Variants in OLFM3 observed in about 807,000 individuals in gnomAD.
The protein encoded by OLFM3 is noelin-3.
In OLFM3, 20 loss-of-function variants were observed where a neutral mutation model predicts 48.6. The observed-to-expected ratio is 0.41, with a 90% confidence interval of 0.29 to 0.60. The LOEUF (loss-of-function observed/expected upper bound fraction) is 0.60. Among genes scored for constraint, OLFM3 ranks in the 20% least tolerant of loss-of-function variants. The pLI, the probability that OLFM3 is intolerant of heterozygous loss-of-function variation, is 0.28. For missense variants in OLFM3, 437 were observed against 544.3 expected (o/e 0.80, Z 1.96); for synonymous variants, 222 against 198.1 (o/e 1.12, Z -1.01).
rs375444190 is a variant in OLFM3 at position 101,843,153 on chromosome 1, C to T, written c.70-6128G>A. 8.1e-4 allele frequency among the ~76,000 whole-genome samples: 124 copies of T among 152,256 alleles called. 2 individuals are homozygous for T. The South Asian group carries it at 0.025, about 31-fold the overall frequency. On this transcript the variant is annotated intron_variant, in intron 1 of 5. Coordinates refer to ENST00000370103, the MANE Select transcript of OLFM3 (RefSeq NM_058170.4). ...AGGGGATTCTACTCATTTTATAGAA[C>T]TTTAAATTGACTAACTCATCAAAGT...
chr1:101,984,312 A>C (rs1055421421), intron 1 of OLFM3, among the ~76,000 whole-genome samples: 4 of 152,020 alleles, frequency 2.6e-5, no homozygotes, highest in African/African-American at 9.7e-5. Flanking sequence ...ATTTTTACCT[A>C]ACAACAAAAT....
chr1:101,810,839 C>T (rs1447716567), intron 4 of OLFM3, among the ~76,000 whole-genome samples: 1 of 151,510 alleles, frequency 6.6e-6, no homozygotes, highest in Non-Finnish European at 1.5e-5. Context: ...ATATTTATCA[C>T]TTAATATATA....
chr1:101,936,722 A>G (rs907768315), intron 1 of OLFM3, among the ~76,000 whole-genome samples: 1 of 152,202 alleles, frequency 6.6e-6, no homozygotes, highest in African/African-American at 2.4e-5. Context: ...GCAATGCTAG[A>G]GTAATCAAAA....
Position 101,841,751 on chromosome 1 carries a change from C to G in OLFM3, c.70-4726G>C, listed in dbSNP as rs1358174648. On this transcript the variant is annotated intron_variant, in intron 1 of 5. Transcript: ENST00000370103. ...AAGAAAATCAACTGATCGAATATTG[C>G]TAGATTTTTTGTATTATCCTGATTT... Among the ~76,000 whole-genome samples the G allele has an allele frequency of 2.0e-5, 3 of 152,250 alleles. No homozygotes were observed. The East Asian group carries it at 5.8e-4, about 29-fold the overall frequency.
chr1:101,920,230 C>T (rs1659052468), intron 1 of OLFM3, among the ~76,000 whole-genome samples: 1 of 152,270 alleles, frequency 6.6e-6, no homozygotes. Context: ...TTTACCTGTG[C>T]ACAACCTTAT....
chr1:101,918,773 C>G (rs1024092164), intron 1 of OLFM3, among the ~76,000 whole-genome samples: 3 of 152,046 alleles, frequency 2.0e-5, no homozygotes, highest in Non-Finnish European at 4.4e-5. Flanking sequence ...TCACACTTGT[C>G]TAAACTATGG....
At chr1:101,977,151 A>G (rs979803272) in intron 1 of OLFM3, among the ~76,000 whole-genome samples, 5 of 152,184 alleles carry the variant, frequency 3.3e-5, no homozygotes, top group Non-Finnish European at 5.9e-5. Flanking sequence ...ATTAAAATGG[A>G]AGAGTATAAA....
intron 4 of OLFM3, among the ~76,000 whole-genome samples, chr1:101,807,688 T>A (rs1263741403): frequency 6.6e-6 from 1 of 151,836 alleles, no homozygotes; most frequent in African/African-American, 2.4e-5. Flanking sequence ...CTCTAGCATT[T>A]CATAAAACTT....
chr1:101,894,749 T>C (rs139312987), intron 1 of OLFM3, among the ~76,000 whole-genome samples: 45 of 152,316 alleles, frequency 3.0e-4, no homozygotes, highest in African/African-American at 8.9e-4. Context: ...CTAATACAGA[T>C]TGTAATTGTA....
intron 1 of OLFM3, among the ~76,000 whole-genome samples, chr1:101,996,085 C>T (rs1027707546): frequency 6.6e-6 from 1 of 152,176 alleles, no homozygotes; most frequent in Non-Finnish European, 1.5e-5. Context: ...TCCTATTGCC[C>T]TCCTTAGTTT....
intron 1 of OLFM3, among the ~76,000 whole-genome samples, chr1:101,935,957 T>C (rs970183973): frequency 6.6e-6 from 1 of 152,124 alleles, no homozygotes; most frequent in Admixed American, 6.6e-5. Flanking sequence ...AAACTAGGCA[T>C]TAAAAGAACA....
intron 1 of OLFM3, among the ~76,000 whole-genome samples, chr1:101,892,221 A>G (rs746365689): frequency 2.0e-5 from 3 of 149,966 alleles, no homozygotes; most frequent in Non-Finnish European, 4.5e-5. Context: ...GATGTATTGT[A>G]CTGGTTCTAG....
At chr1:101,975,346 C>A (rs922051125) in intron 1 of OLFM3, among the ~76,000 whole-genome samples, 4 of 152,154 alleles carry the variant, frequency 2.6e-5, no homozygotes, top group African/African-American at 9.7e-5. Context: ...TATCTGTATG[C>A]TGATGCTTTT....
intron 1 of OLFM3, among the ~76,000 whole-genome samples, chr1:101,994,831 GA>G (rs1282652049): frequency 2.0e-5 from 3 of 151,934 alleles, no homozygotes; most frequent in Non-Finnish European, 4.4e-5. Flanking sequence ...AGGACAGTTT[GA>G]AAAGTTAATG....
intron 1 of OLFM3, among the ~76,000 whole-genome samples, chr1:101,916,181 T>C (rs1268933352): frequency 6.6e-6 from 1 of 152,162 alleles, no homozygotes; most frequent in East Asian, 1.9e-4. Context: ...GTGTGTTTTC[T>C]TTGTGCCAGA....
chr1:101,835,265 CA>C (rs1259071015), intron 2 of OLFM3, among the ~76,000 whole-genome samples: 2 of 152,058 alleles, frequency 1.3e-5, no homozygotes, highest in African/African-American at 4.8e-5. Context: ...CCCTGGTAAA[CA>C]AACAAAATAT....
At chr1:101,852,851 T>A (rs555602216) in intron 1 of OLFM3, among the ~76,000 whole-genome samples, 5 of 152,256 alleles carry the variant, frequency 3.3e-5, no homozygotes, top group Admixed American at 1.3e-4. Context: ...TCCACATCTC[T>A]TATCAATTCA....
rs558434373 is a variant in OLFM3, at chr1:101,915,625, C to T, written c.70-78600G>A. Among the ~76,000 whole-genome samples, 10 of 152,122 alleles carry T rather than the reference C, an allele frequency of 6.6e-5. No homozygotes were observed. In the South Asian group the frequency reaches 1.5e-3, roughly 22 times the overall value. ...AATAAGTTGGCAAATATTCAAAACA[C>T]GAAGAAATTGATGAATGTTAAAATA... On this transcript the variant is annotated intron_variant, in intron 1 of 5. Transcript: ENST00000370103.
intron 1 of OLFM3, among the ~76,000 whole-genome samples, chr1:101,920,606 A>G (rs1659064695): frequency 6.6e-6 from 1 of 152,218 alleles, no homozygotes; most frequent in Admixed American, 6.5e-5. Flanking sequence ...ACCTGATTCC[A>G]AAGGAATTTA....
Sources: gnomAD v4.1 joint callset for allele counts (sites outside exome capture counted in the v4.1 genomes callset) on GRCh38, gnomAD v4.1.1 for gene constraint, MANE v1.5 for transcripts, NCBI Gene and HGNC (gene_info 2026-07-23, HGNC 2026-07-21) for gene names.